Variants in PAQR5 observed in about 807,000 individuals in gnomAD.
PAQR5 encodes the protein membrane progestin receptor gamma.
In PAQR5, 20 loss-of-function variants were observed where a neutral mutation model predicts 34.5. The observed-to-expected ratio is 0.58, with a 90% CI of 0.41 to 0.84. The LOEUF (loss-of-function observed/expected upper bound fraction) is 0.84. Among genes scored for constraint, PAQR5 ranks in the 40% least tolerant of loss-of-function variants. PAQR5 has a pLI of 0.00. For synonymous variants in PAQR5, 131 were observed against 155.6 expected (o/e 0.84, Z 1.18); for missense variants, 378 against 412.7 (o/e 0.92, Z 0.73).
chr15:69,402,356 C>T (rs1410265659), intron 8 of PAQR5, among the ~76,000 whole-genome samples: 3 of 150,356 alleles, frequency 2.0e-5, no homozygotes, highest in South Asian at 2.1e-4. Flanking sequence ...CTCGCTCTGT[C>T]GCCTAGGCTG....
chr15:69,302,449 T>A (rs906320737), intron 1 of PAQR5, among the ~76,000 whole-genome samples: 3 of 151,856 alleles, frequency 2.0e-5, no homozygotes, highest in African/African-American at 7.3e-5. Flanking sequence ...CAGGGGAGGA[T>A]CAGTAGGAGG....
intron 2 of PAQR5, among the ~76,000 whole-genome samples, chr15:69,357,903 G>A (rs1317263696): frequency 1.3e-5 from 2 of 152,124 alleles, no homozygotes; most frequent in African/African-American, 2.4e-5. Flanking sequence ...CATACACCCC[G>A]AGTTTCCAGC....
chr15:69,341,511 C>T (rs2054643462), intron 2 of PAQR5, among the ~76,000 whole-genome samples: 1 of 152,008 alleles, frequency 6.6e-6, no homozygotes, highest in Admixed American at 6.6e-5. Context: ...CATGAACCAT[C>T]ACATTGGGCC....
chr15:69,338,101 C>A (rs531633476), intron 2 of PAQR5, among the ~76,000 whole-genome samples: 4 of 152,084 alleles, frequency 2.6e-5, no homozygotes, highest in East Asian at 1.9e-4. Flanking sequence ...AACAAAAAAA[C>A]CAGAAACAAC....
intron 1 of PAQR5, among the ~76,000 whole-genome samples, chr15:69,326,922 C>T (rs77959847): frequency 0.012 from 1,734 of 149,620 alleles, 27 homozygotes; most frequent in African/African-American, 0.041. Flanking sequence ...AGGCCTCATG[C>T]TTTATGTTGT....
chr15:69,334,769 G>T (rs776670253), intron 1 of PAQR5, among the ~76,000 whole-genome samples: 1 of 89,436 alleles, frequency 1.1e-5, no homozygotes, highest in Admixed American at 1.2e-4. Context: ...TATGGCTTTT[G>T]TTAAAGGGAA....
chr15:69,395,276 G>T (rs928031101), intron 6 of PAQR5, among the ~76,000 whole-genome samples: 1 of 152,224 alleles, frequency 6.6e-6, no homozygotes, highest in Non-Finnish European at 1.5e-5. Flanking sequence ...GTGAAGGCCG[G>T]GCGGGGTCTG....
chr15:69,332,296 C>T (rs1167409416), intron 1 of PAQR5, among the ~76,000 whole-genome samples: 1 of 152,182 alleles, frequency 6.6e-6, no homozygotes, highest in Non-Finnish European at 1.5e-5. Flanking sequence ...GCCAGCTTGG[C>T]AGGCTGGTCA....
chr15:69,316,399 C>A (rs540644817), intron 1 of PAQR5, among the ~76,000 whole-genome samples: 1 of 152,072 alleles, frequency 6.6e-6, no homozygotes, highest in Non-Finnish European at 1.5e-5. Context: ...TTAAATAATG[C>A]ATTTTGCCTC....
At chr15:69,389,625 C>T (rs752546627) in intron 5 of PAQR5, 29 bp from the exon 6 acceptor site, 1 of 1,613,770 alleles carries the variant, frequency 6.2e-7, no homozygotes, top group South Asian at 1.1e-5. Context: ...GGCCTGGCTC[C>T]TCTCCCAAGG....
intron 2 of PAQR5, among the ~76,000 whole-genome samples, chr15:69,348,697 T>C (rs999506633): frequency 2.0e-5 from 3 of 150,608 alleles, no homozygotes; most frequent in African/African-American, 7.5e-5. Context: ...GTTTTTCCGA[T>C]CTGATACTCA....
At chr15:69,312,725 G>A (rs2053860391) in intron 1 of PAQR5, among the ~76,000 whole-genome samples, 1 of 151,842 alleles carries the variant, frequency 6.6e-6, no homozygotes, top group African/African-American at 2.4e-5. Flanking sequence ...AAAAGAAACT[G>A]GAAAACCGAA....
intron 6 of PAQR5, chr15:69,397,033 C>A: frequency 5.4e-6 from 2 of 371,784 alleles, no homozygotes; most frequent in Admixed American, 3.5e-5. Context: ...TACCTGGGCT[C>A]CAACTAGATG....
At position 69,397,515 on chromosome 15, in the gene PAQR5, T is replaced by A; in HGVS notation, c.560T>A (p.Leu187His). The A allele has an allele frequency of 6.2e-7, 1 of 1,614,022 alleles. No individual in the cohort carries two copies. The highest frequency in any genetic ancestry group is 8.5e-7 in the Non-Finnish European group (1 of 1,179,842). Reference protein sequence around the residue: ...KPRLCKVIRVLAFAYPYTWDS... With the variant: ...KPRLCKVIRVHAFAYPYTWDS... ...AGACTCTGTAAGGTGATTCGTGTCC[T>A]CGCCTTTGCTTATCCGTACACCTGG... is the stretch of plus-strand genomic sequence containing the variant. Residue 187 changes from leucine to histidine, a missense_variant, in exon 7 of 9, where the codon CTC becomes CAC. By Grantham distance (99) the Leu-to-His change is moderately conservative. Coordinates refer to ENST00000395407, the MANE Select transcript of PAQR5 (RefSeq NM_017705.4).
At chr15:69,350,722 A>ACT (rs1243178745) in intron 2 of PAQR5, among the ~76,000 whole-genome samples, 1 of 152,264 alleles carries the variant, frequency 6.6e-6, no homozygotes, top group East Asian at 1.9e-4. Flanking sequence ...AAGAACACAG[A>ACT]CTCACAGTAC....
chr15:69,321,915 T>C (rs1280015849), intron 1 of PAQR5, among the ~76,000 whole-genome samples: 3 of 152,160 alleles, frequency 2.0e-5, no homozygotes, highest in Non-Finnish European at 4.4e-5. Context: ...ACCAGGACAC[T>C]GGAATCTAAC....
chr15:69,366,488 C>T (rs566404104), intron 3 of PAQR5, among the ~76,000 whole-genome samples: 1 of 152,256 alleles, frequency 6.6e-6, no homozygotes, highest in East Asian at 1.9e-4. Flanking sequence ...GTTGCTGGAT[C>T]ATATGGTAAC....
At chr15:69,327,801 C>A (rs976619393) in intron 1 of PAQR5, among the ~76,000 whole-genome samples, 1 of 152,166 alleles carries the variant, frequency 6.6e-6, no homozygotes, top group East Asian at 1.9e-4. Flanking sequence ...TGGGAGGATG[C>A]TTGAATCCTT....
At chr15:69,390,929 T>C (rs571985629) in intron 6 of PAQR5, among the ~76,000 whole-genome samples, 78 of 152,176 alleles carry the variant, frequency 5.1e-4, no homozygotes, top group Non-Finnish European at 8.8e-4. Flanking sequence ...TTTGTAGAAG[T>C]GAACTGCCTG....
Sources: gnomAD v4.1 joint callset for allele counts (sites outside exome capture counted in the v4.1 genomes callset) on GRCh38, gnomAD v4.1.1 for gene constraint, MANE v1.5 for transcripts, NCBI Gene and HGNC (gene_info 2026-07-23, HGNC 2026-07-21) for gene names.